The following RYR3 variants were observed in gnomAD, a reference collection of about 807,000 sequenced individuals.
The protein encoded by RYR3 is brain ryanodine receptor-calcium release channel.
A neutral mutation model predicts 584.3 loss-of-function variants in RYR3; 207 were observed. That is an observed-to-expected ratio of 0.35 (90% CI 0.32 to 0.40). The LOEUF (loss-of-function observed/expected upper bound fraction) is 0.40. Ranked by LOEUF, RYR3 falls within the 10% of genes least tolerant of loss-of-function variation. The pLI is 1.00. For synonymous variants in RYR3, 2,416 were observed against 2,248.5 expected, an observed-to-expected ratio of 1.07 and a Z score of -2.11; for missense variants, 5,616 against 6,089.2, an observed-to-expected ratio of 0.92 and a Z score of 2.59.
intron 91 of RYR3, among the ~76,000 whole-genome samples, chr15:33,842,755 G>C (rs2078452776): frequency 6.6e-6 from 1 of 152,214 alleles, no homozygotes; most frequent in Non-Finnish European, 1.5e-5. Flanking sequence ...GCTACATCCA[G>C]GTTGGGAGTT....
chr15:33,598,330 G>A (rs932306436), intron 16 of RYR3, among the ~76,000 whole-genome samples: 5 of 148,686 alleles, frequency 3.4e-5, no homozygotes, highest in Non-Finnish European at 7.4e-5. Context: ...ATACAAACAC[G>A]CACACTTGGA....
At chr15:33,360,709 AC>A (rs1974640826) in intron 1 of RYR3, among the ~76,000 whole-genome samples, 1 of 152,250 alleles carries the variant, frequency 6.6e-6, no homozygotes, top group South Asian at 2.1e-4. Context: ...AGGGTCAGTG[AC>A]ATTCCCAAGA....
chr15:33,495,326 G>C (rs1475195509), intron 2 of RYR3, among the ~76,000 whole-genome samples: 6 of 152,134 alleles, frequency 3.9e-5, no homozygotes, highest in Non-Finnish European at 8.8e-5. Flanking sequence ...CTATCTCCAG[G>C]GATATTGATG....
chr15:33,388,721 C>T (rs2041796510), intron 1 of RYR3, among the ~76,000 whole-genome samples: 1 of 152,072 alleles, frequency 6.6e-6, no homozygotes, highest in Non-Finnish European at 1.5e-5. Context: ...TTTTAGAATT[C>T]ACCTATAGAC....
chr15:33,544,010 T>A (rs1182591763), intron 8 of RYR3, among the ~76,000 whole-genome samples: 3 of 152,170 alleles, frequency 2.0e-5, no homozygotes, highest in Admixed American at 2.0e-4. Flanking sequence ...AGACAGATCA[T>A]CTCTATTTCC....
intron 19 of RYR3, among the ~76,000 whole-genome samples, chr15:33,619,450 A>G (rs1279616487): frequency 2.0e-5 from 3 of 152,220 alleles, no homozygotes; most frequent in African/African-American, 4.8e-5. Flanking sequence ...TTTGTGAATG[A>G]GGCAAAGGAT....
intron 12 of RYR3, among the ~76,000 whole-genome samples, chr15:33,573,413 A>T (rs1331781891): frequency 6.6e-6 from 1 of 152,208 alleles, no homozygotes; most frequent in Non-Finnish European, 1.5e-5. Flanking sequence ...CTAAGGGAAT[A>T]GGGAAGGAAC....
intron 50 of RYR3, among the ~76,000 whole-genome samples, chr15:33,739,035 G>T (rs2069797629): frequency 6.6e-6 from 1 of 152,214 alleles, no homozygotes; most frequent in Non-Finnish European, 1.5e-5. Context: ...TCTGGGAGAG[G>T]TTCTTTGCAA....
chr15:33,688,494 AC>A lies in RYR3; in HGVS notation c.5861-7721del, dbSNP rs548477530. On this transcript the variant is annotated intron_variant, in intron 38 of 103. Coordinates refer to ENST00000634891, the MANE Select transcript of RYR3 (RefSeq NM_001036.6). ...AGGCTGAGGCAGGAGAATGGCGTGGACCCGGGAGGTGGAGCTTGCAGTGAGC... is the reference window on the plus strand; with the variant it reads ...AGGCTGAGGCAGGAGAATGGCGTGGACCGGGAGGTGGAGCTTGCAGTGAGC... 1.4e-4 allele frequency among the ~76,000 whole-genome samples: 21 copies of A among 147,462 alleles called. No individual in the cohort carries two copies. The East Asian group carries it at 4.1e-3, about 29-fold the overall frequency.
At chr15:33,401,555 A>AT (rs892667596) in intron 1 of RYR3, among the ~76,000 whole-genome samples, 7 of 152,170 alleles carry the variant, frequency 4.6e-5, no homozygotes, top group Admixed American at 1.3e-4. Flanking sequence ...CTGTAGAATA[A>AT]TTTTTTACAT....
chr15:33,552,654 G>A (rs564329354), intron 10 of RYR3, among the ~76,000 whole-genome samples: 11 of 152,294 alleles, frequency 7.2e-5, no homozygotes, highest in Non-Finnish European at 4.4e-5. Flanking sequence ...GCCAAGATAT[G>A]GCTGTGTTCC....
intron 48 of RYR3, among the ~76,000 whole-genome samples, chr15:33,735,044 T>G (rs112758432): frequency 0.018 from 2,668 of 152,178 alleles, 78 homozygotes; most frequent in African/African-American, 0.061. Flanking sequence ...CCCCTATTAC[T>G]GTACTTTTAG....
intron 18 of RYR3, among the ~76,000 whole-genome samples, chr15:33,610,181 C>A (rs2060111057): frequency 1.3e-5 from 2 of 152,148 alleles, no homozygotes; most frequent in South Asian, 4.1e-4. Context: ...CCTTCATTAA[C>A]CCTCAGCTTC....
At chr15:33,442,493 C>CGGTATGCAAT (rs1453985608) in intron 1 of RYR3, among the ~76,000 whole-genome samples, 1 of 152,176 alleles carries the variant, frequency 6.6e-6, no homozygotes, top group Admixed American at 6.5e-5. Flanking sequence ...TTGAGAATTT[C>CGGTATGCAAT]GGTATGCAAT....
At chr15:33,314,308 G>A (rs752321759) in intron 1 of RYR3, among the ~76,000 whole-genome samples, 7 of 152,104 alleles carry the variant, frequency 4.6e-5, no homozygotes, top group Non-Finnish European at 7.4e-5. Flanking sequence ...TCTTGCTGAC[G>A]TAGCCAGTGT....
chr15:33,579,988 C>A lies in RYR3; in HGVS notation c.1281C>A (p.Arg427=). 1 of 1,608,828 alleles carries A rather than the reference C, an allele frequency of 6.2e-7. No homozygotes were observed. The highest frequency in any genetic ancestry group is 8.5e-7 in the Non-Finnish European group (1 of 1,177,572). Residue 427 remains arginine, a synonymous_variant, in exon 13 of 104, where the codon CGC becomes CGA. Transcript: ENST00000634891. ...LFSQFVSGNN[R]TAAPITLPIE... Reference sequence around the variant, plus strand: ...TCATGGTTTTTAGCGGAAACAATCGCACAGCTGCCCCCATCACCCTGCCTA... The same window carrying A: ...TCATGGTTTTTAGCGGAAACAATCGAACAGCTGCCCCCATCACCCTGCCTA...
chr15:33,722,876 C>G lies in RYR3; in HGVS notation c.6781C>G (p.Gln2261Glu). The change falls in exon 44 of 104, where the codon CAA (glutamine) becomes GAA (glutamate). Residue 2261 changes from glutamine (Q) to glutamate (E), a missense_variant. Around this residue, in one of 9 missense-constraint regions of RYR3, gnomAD observed 1,280 missense variants for 1,426.2 expected, o/e 0.90. Transcript: ENST00000634891. ...GAACCCAGCGCTCGACCTCCCCTCT[C>G]AAGGATACAAAAGAGAAGTGTAAGT... ...SENPALDLPS[Q>E]GYKREVSTGD... The G allele has an allele frequency of 6.3e-7, 1 of 1,585,382 alleles. No individual in the cohort carries two copies. The highest frequency in any genetic ancestry group is 8.6e-7 in the Non-Finnish European group (1 of 1,168,648).
At chr15:33,344,676 T>C (rs1048130486) in intron 1 of RYR3, among the ~76,000 whole-genome samples, 1 of 152,142 alleles carries the variant, frequency 6.6e-6, no homozygotes, top group East Asian at 1.9e-4. Flanking sequence ...ATAAAACCCC[T>C]GATGAGTATA....
chr15:33,503,358 A>G (rs982804443), intron 2 of RYR3, among the ~76,000 whole-genome samples: 3 of 151,908 alleles, frequency 2.0e-5, no homozygotes, highest in Non-Finnish European at 2.9e-5. Context: ...TGGCAAGGCT[A>G]TATCTGTGTT....
Sources: gnomAD v4.1 joint callset for allele counts (sites outside exome capture counted in the v4.1 genomes callset) on GRCh38, gnomAD v4.1.1 for gene constraint, gnomAD v4.1.1 regional missense constraint, MANE v1.5 for transcripts, NCBI Gene and HGNC (gene_info 2026-07-23, HGNC 2026-07-21) for gene names.